SPAG16: variants seen among roughly 807,000 people sequenced by gnomAD.
SPAG16 encodes sperm associated antigen 16, also known as sperm-associated antigen 16 protein.
A neutral mutation model predicts 80.4 loss-of-function variants in SPAG16; 86 were observed. That is an observed-to-expected ratio of 1.07 (90% CI 0.90 to 1.28). The LOEUF is 1.28. SPAG16 is among the 50% of genes most tolerant of loss of function. SPAG16 has a pLI of 0.00. For missense variants in SPAG16, 870 were observed against 765.3 expected (o/e 1.14, Z -1.61); for synonymous variants, 294 against 265.9 (o/e 1.11, Z -1.03).
At chr2:214,335,254 A>T (rs1697201212) in intron 15 of SPAG16, among the ~76,000 whole-genome samples, 1 of 152,116 alleles carries the variant, frequency 6.6e-6, no homozygotes, top group South Asian at 2.1e-4. Flanking sequence ...GATAGAGCCT[A>T]GTTGTAGCCG....
At chr2:214,057,586 C>T (rs924955887) in intron 13 of SPAG16, among the ~76,000 whole-genome samples, 1 of 152,154 alleles carries the variant, frequency 6.6e-6, no homozygotes, top group Non-Finnish European at 1.5e-5. Flanking sequence ...GGTTAATGAG[C>T]ATTGGCTTCA....
At chr2:214,078,552 A>G (rs1418743956) in intron 13 of SPAG16, among the ~76,000 whole-genome samples, 1 of 143,884 alleles carries the variant, frequency 7.0e-6, no homozygotes, top group Non-Finnish European at 1.5e-5. Flanking sequence ...AAAAAAAAAA[A>G]AATCTGTTAT....
At chr2:213,988,235 A>G (rs1225833729) in intron 12 of SPAG16, among the ~76,000 whole-genome samples, 2 of 152,104 alleles carry the variant, frequency 1.3e-5, no homozygotes, top group African/African-American at 2.4e-5. Context: ...CTTGAACAGC[A>G]CTATCAGCCA....
chr2:213,294,399 A>G (rs371088283), intron 1 of SPAG16, among the ~76,000 whole-genome samples: 11 of 152,354 alleles, frequency 7.2e-5, no homozygotes, highest in Non-Finnish European at 1.0e-4. Flanking sequence ...AGAGTGAGGC[A>G]AATACTATTA....
chr2:213,715,259 T>TCTATCTAC (rs1559402673), intron 10 of SPAG16, among the ~76,000 whole-genome samples: 15 of 151,150 alleles, frequency 9.9e-5, no homozygotes, highest in African/African-American at 3.4e-4. Flanking sequence ...TATCTATCTA[T>TCTATCTAC]CTATCTATCC....
intron 10 of SPAG16, among the ~76,000 whole-genome samples, chr2:213,566,327 T>C (rs975580905): frequency 1.2e-4 from 19 of 152,146 alleles, no homozygotes; most frequent in African/African-American, 4.3e-4. Flanking sequence ...TAGTATTTAT[T>C]TAAGGAGATT....
At chr2:213,953,333 C>T (rs2043950653) in intron 12 of SPAG16, among the ~76,000 whole-genome samples, 1 of 151,620 alleles carries the variant, frequency 6.6e-6, no homozygotes, top group African/African-American at 2.4e-5. Flanking sequence ...AATATTTTAA[C>T]ATCCAAAGGA....
chr2:214,135,825 G>C (rs1405697261), intron 14 of SPAG16, among the ~76,000 whole-genome samples: 1 of 151,822 alleles, frequency 6.6e-6, no homozygotes, highest in Non-Finnish European at 1.5e-5. Context: ...AAAAGAAGCA[G>C]CCTGAAGCCC....
At chr2:213,729,567 C>T (rs577619995) in intron 10 of SPAG16, among the ~76,000 whole-genome samples, 1 of 152,294 alleles carries the variant, frequency 6.6e-6, no homozygotes, top group Admixed American at 6.5e-5. Flanking sequence ...GACAGTGACC[C>T]AATGGCCCTC....
chr2:213,680,930 G>C (rs796526436), intron 10 of SPAG16, among the ~76,000 whole-genome samples: 2 of 152,192 alleles, frequency 1.3e-5, no homozygotes, highest in South Asian at 2.1e-4. Context: ...TTTACAATTG[G>C]CTGAGTTTAT....
intron 15 of SPAG16, among the ~76,000 whole-genome samples, chr2:214,346,469 T>C (rs574347137): frequency 6.6e-6 from 1 of 152,316 alleles, no homozygotes; most frequent in South Asian, 2.1e-4. Context: ...TCTTTGGCAC[T>C]TCTATTGAAA....
chr2:214,399,277 G>C (rs1362811776), intron 15 of SPAG16, among the ~76,000 whole-genome samples: 1 of 151,868 alleles, frequency 6.6e-6, no homozygotes, highest in Non-Finnish European at 1.5e-5. Flanking sequence ...TTGTGAGGAG[G>C]GTATCCATCT....
intron 12 of SPAG16, among the ~76,000 whole-genome samples, chr2:213,991,897 G>C (rs1243880562): frequency 1.5e-5 from 1 of 67,618 alleles, no homozygotes; most frequent in African/African-American, 5.7e-5. Context: ...ATTTATTCTT[G>C]TTTCAGTGAT....
intron 9 of SPAG16, among the ~76,000 whole-genome samples, chr2:213,451,232 A>G (rs1054923764): frequency 6.6e-6 from 1 of 152,212 alleles, no homozygotes; most frequent in Non-Finnish European, 1.5e-5. Context: ...AAAACAAAAA[A>G]CAACATTTTT....
chr2:213,630,979 A>G (rs573593380), intron 10 of SPAG16, among the ~76,000 whole-genome samples: 1 of 152,298 alleles, frequency 6.6e-6, no homozygotes, highest in East Asian at 1.9e-4. Flanking sequence ...AACACTGAAT[A>G]ATCAGGGAAG....
chr2:214,344,992 T>C (rs1026238973), intron 15 of SPAG16, among the ~76,000 whole-genome samples: 2 of 152,198 alleles, frequency 1.3e-5, no homozygotes, highest in African/African-American at 4.8e-5. Context: ...GACCCATTTA[T>C]CAATTTTTAT....
At position 214,257,520 on chromosome 2, in the gene SPAG16, T is replaced by A. The variant is rs149401281; in HGVS notation, c.1720+108254T>A. On this transcript the variant is annotated intron_variant, in intron 15 of 15. Transcript: ENST00000331683. Reference sequence around the variant, plus strand: ...TGGTAATTGTAGTTTCTTAATAGCTTCTCAATTTGCTAAGAGTGTTATGAA... The same window carrying A: ...TGGTAATTGTAGTTTCTTAATAGCTACTCAATTTGCTAAGAGTGTTATGAA... 5.0e-3 allele frequency among the ~76,000 whole-genome samples: 762 copies of A among 152,180 alleles called. 5 individuals carry two copies. Among genetic ancestry groups the A allele is most frequent in the Middle Eastern group, 0.037 (11 of 294 alleles).
At chr2:214,147,284 T>A (rs1003520088) in intron 14 of SPAG16, among the ~76,000 whole-genome samples, 1 of 152,126 alleles carries the variant, frequency 6.6e-6, no homozygotes, top group Non-Finnish European at 1.5e-5. Flanking sequence ...ATATTAAAAC[T>A]ATTTACCTAC....
chr2:213,681,506 A>T (rs897585536), intron 10 of SPAG16, among the ~76,000 whole-genome samples: 22 of 152,112 alleles, frequency 1.4e-4, no homozygotes, highest in African/African-American at 3.9e-4. Flanking sequence ...TTCCAAAGAG[A>T]TCTGATGATC....
Sources: gnomAD v4.1 joint callset for allele counts (sites outside exome capture counted in the v4.1 genomes callset) on GRCh38, gnomAD v4.1.1 for gene constraint, MANE v1.5 for transcripts, NCBI Gene and HGNC (gene_info 2026-07-23, HGNC 2026-07-21) for gene names.